The following MUC5B variants were observed in gnomAD, a reference collection of about 807,000 sequenced individuals.
MUC5B encodes mucin 5B, oligomeric mucus/gel-forming.
MUC5B carries 116 observed loss-of-function variants against 376.9 expected under a neutral mutation model. The ratio of observed to expected loss-of-function variants is 0.31; its 90% confidence interval spans 0.26 to 0.36. The LOEUF (loss-of-function observed/expected upper bound fraction) is 0.36. Ranked by LOEUF, MUC5B falls within the 10% of genes least tolerant of loss-of-function variation. The probability of loss-of-function intolerance (pLI) is 1.00; values close to 1 mark genes in which losing one functional copy is unlikely to be tolerated. For synonymous variants in MUC5B, 3,517 were observed against 3,390.9 expected, an observed-to-expected ratio of 1.04 and a Z score of -1.29; for missense variants, 7,165 against 7,769.9, an observed-to-expected ratio of 0.92 and a Z score of 2.93.
rs1309977778 is a variant in MUC5B at position 1,248,709 on chromosome 11, T to C, written c.11829T>C (p.Thr3943=). ...TPSSSTQTSG[T]PPSLITTATT... ...CCTCTAGCACACAGACCAGTGGTAC[T>C]CCCCCATCACTGATCACCACGGCCA... is the stretch of plus-strand genomic sequence containing the variant. The change falls in exon 31 of 49, where the codon ACT becomes ACC. Residue 3943 remains threonine, a synonymous_variant. Coordinates refer to ENST00000529681, the MANE Select transcript of MUC5B (RefSeq NM_002458.3). 5.7e-6 allele frequency: 9 copies of C among 1,568,212 alleles called. No individual in the cohort carries two copies. The highest frequency in any genetic ancestry group is 7.8e-6 in the Non-Finnish European group (9 of 1,158,114).
At chr11:1,232,181 C>A (rs189438320) in intron 15 of MUC5B, 21 bp downstream of exon 15, 2 of 1,567,910 alleles carry the variant, frequency 1.3e-6, no homozygotes, top group East Asian at 4.5e-5. Context: ...CCCCCACCCC[C>A]ACAGTCACCC....
rs1249984014 is a variant in MUC5B, at chr11:1,226,774, G to A, written c.359G>A (p.Arg120Gln). Residue 120 changes from arginine (R) to glutamine (Q), a missense_variant, in exon 4 of 49, where the codon CGA becomes CAA. Physicochemically the swap from Arg to Gln is conservative, Grantham distance 43. Around this residue, in one of 31 missense-constraint regions of MUC5B, gnomAD observed 640 missense variants for 733.0 expected, o/e 0.87. Coordinates refer to ENST00000529681, the MANE Select transcript of MUC5B (RefSeq NM_002458.3). The stretch of plus-strand genomic sequence containing the variant: ...GAGGACTTCAACGTCCAGCTACGCC[G>A]AGGCCTAGTGGGCTCCAGGCCTGTG... ...AYEDFNVQLR[R>Q]GLVGSRPVVT... 5.0e-6 allele frequency: 8 copies of A among 1,612,360 alleles called. No homozygotes were observed. Among genetic ancestry groups the A allele is most frequent in the Admixed American group, 3.3e-5 (2 of 59,986 alleles).
rs746953396 is a variant in MUC5B, at chr11:1,240,164, G to A, written c.3773-14G>A. 6.8e-5 allele frequency: 108 copies of A among 1,586,388 alleles called. No homozygotes were observed. The highest frequency in any genetic ancestry group is 8.3e-5 in the Non-Finnish European group (96 of 1,161,842). ...CTCGGAGGCCCTGGGTGACTCTGCC[G>A]GCTCCATCCCCAGCCTGCACCTGCA... On this transcript the variant is annotated splice_polypyrimidine_tract_variant and intron_variant, in intron 29 of 48. Transcript: ENST00000529681.
rs776243244 is a variant in MUC5B, at chr11:1,242,079, C to T, written c.5199C>T (p.Ala1733=). The T allele has an allele frequency of 6.2e-7, 1 of 1,609,796 alleles. No homozygotes were observed. Among genetic ancestry groups the T allele is most frequent in the Non-Finnish European group, 8.5e-7 (1 of 1,178,404 alleles). Residue 1733 remains alanine (A), a synonymous_variant, in exon 31 of 49, where the codon GCC becomes GCT. Coordinates refer to ENST00000529681, the MANE Select transcript of MUC5B (RefSeq NM_002458.3). ...CCAGAGCTCGCCCGACAGGCACAGC[C>T]AGCACCGCTTCCAAAGAGCCGCTGA... is the stretch of plus-strand genomic sequence containing the variant. The part of the protein sequence containing the change: ...ATSRARPTGT[A]STASKEPLTT...
At chr11:1,228,189 C>T (rs1485652246) in intron 7 of MUC5B, among the ~76,000 whole-genome samples, 1 of 152,198 alleles carries the variant, frequency 6.6e-6, no homozygotes, top group Non-Finnish European at 1.5e-5. Context: ...CTGGGCCCCG[C>T]AGCCGGCAGC....
Position 1,233,015 on chromosome 11 carries a change from A to G in MUC5B, c.2068A>G (p.Lys690Glu), listed in dbSNP as rs376986344. Reference protein sequence around the residue: ...LSDWRDGVCTKYMQNCPKSQR... With the variant: ...LSDWRDGVCTEYMQNCPKSQR... ...CCCCCTGGCCCCACCGACCACAGCC[A>G]AGTACATGCAGAACTGCCCCAAGTC... The change falls in exon 18 of 49, where the codon AAG (lysine) becomes GAG (glutamate). Residue 690 changes from lysine (K) to glutamate (E), a missense_variant and splice_region_variant. Physicochemically the swap from Lys to Glu is moderately conservative, Grantham distance 56. Around this residue, in one of 31 missense-constraint regions of MUC5B, gnomAD observed 530 missense variants for 604.0 expected, o/e 0.88. Coordinates refer to ENST00000529681, the MANE Select transcript of MUC5B (RefSeq NM_002458.3). 7.0e-5 allele frequency: 111 copies of G among 1,586,486 alleles called. 1 individual carries two copies. In the African/African-American group the frequency reaches 1.2e-3, roughly 18 times the overall value.
At chr11:1,230,865 C>T (rs1862012502) in intron 12 of MUC5B, 71 bp from the exon 13 acceptor site, 8 of 1,526,398 alleles carry the variant, frequency 5.2e-6, no homozygotes, top group Non-Finnish European at 6.2e-6. Flanking sequence ...CCTGGGCAGG[C>T]CACCCCCTCA....
Position 1,242,925 on chromosome 11 carries a change from G to T in MUC5B, c.6045G>T (p.Glu2015Asp). The part of the protein sequence containing the change: ...MSTATPSSTP[E>D]TAHTSTVLTA... ...CAGCCACACCCTCCTCCACTCCAGAGACTGCCCACACCTCCACAGTGCTTA... is the reference window on the plus strand; with the variant it reads ...CAGCCACACCCTCCTCCACTCCAGATACTGCCCACACCTCCACAGTGCTTA... Residue 2015 changes from glutamate (E) to aspartate (D), a missense_variant, in exon 31 of 49, where the codon GAG becomes GAT. By Grantham distance (45) the Glu-to-Asp change is conservative. Coordinates refer to ENST00000529681, the MANE Select transcript of MUC5B (RefSeq NM_002458.3). 2 of 1,612,410 alleles carry T rather than the reference G, an allele frequency of 1.2e-6. No homozygotes were observed. Among genetic ancestry groups the T allele is most frequent in the Non-Finnish European group, 1.7e-6 (2 of 1,179,174 alleles).
chr11:1,259,099 A>C, intron 44 of MUC5B, 38 bp downstream of exon 44: 2 of 1,483,256 alleles, frequency 1.3e-6, no homozygotes, highest in Non-Finnish European at 1.8e-6. Flanking sequence ...TGAGCCCCCG[A>C]GGCACCTGCC....
chr11:1,252,660 A>G (rs1862736570), intron 32 of MUC5B, 136 bp downstream of exon 32: 2 of 1,367,320 alleles, frequency 1.5e-6, no homozygotes, highest in South Asian at 1.5e-5. Flanking sequence ...GGAGGCACAC[A>G]GGGCCTAGGG....
intron 13 of MUC5B, 142 bp from the exon 14 acceptor site, chr11:1,231,277 CAGGG>C (rs1862021839): frequency 9.5e-7 from 1 of 1,047,774 alleles, no homozygotes; most frequent in African/African-American, 1.6e-5. Context: ...AGGCATGGGA[CAGGG>C]AGCCTGAGGG....
intron 44 of MUC5B, 33 bp from the exon 45 acceptor site, chr11:1,259,723 G>C (rs1450518988): frequency 3.1e-6 from 5 of 1,606,004 alleles, no homozygotes; most frequent in Non-Finnish European, 4.3e-6. Context: ...TGGAGGAGAG[G>C]GTTAGGGCCT....
intron 23 of MUC5B, 181 bp from the exon 24 acceptor site, chr11:1,236,205 T>G: frequency 6.9e-6 from 4 of 583,810 alleles, no homozygotes; most frequent in Non-Finnish European, 1.2e-5. Flanking sequence ...CAGCACTTCC[T>G]GGCCAGCCTC....
chr11:1,229,627 G>C, intron 9 of MUC5B, 63 bp from the exon 10 acceptor site: 2 of 1,392,766 alleles, frequency 1.4e-6, no homozygotes, highest in Non-Finnish European at 2.0e-6. Context: ...CCCAAGGCCG[G>C]TGTCTTCTGA....
Position 1,248,594 on chromosome 11 carries a change from C to A in MUC5B, c.11714C>A (p.Thr3905Asn). The A allele has an allele frequency of 6.8e-6, 11 of 1,613,046 alleles. No homozygotes were observed. Among genetic ancestry groups the A allele is most frequent in the South Asian group, 1.1e-5 (1 of 91,050 alleles). Residue 3905 changes from threonine to asparagine, a missense_variant, in exon 31 of 49, where the codon ACC becomes AAC. Around this residue, in one of 31 missense-constraint regions of MUC5B, gnomAD observed 242 missense variants for 199.0 expected, o/e 1.22. Transcript: ENST00000529681. Reference protein sequence around the residue: ...TTPTTSGSTVTPSSVPGTTHT... With the variant: ...TTPTTSGSTVNPSSVPGTTHT... ...CCCACAACCAGTGGCTCCACGGTGACCCCCTCCTCCGTCCCGGGGACCACC... is the reference window on the plus strand; with the variant it reads ...CCCACAACCAGTGGCTCCACGGTGAACCCCTCCTCCGTCCCGGGGACCACC...
rs542177066 is a variant in MUC5B at position 1,251,198 on chromosome 11, C to G, written c.14318C>G (p.Ser4773Cys). 3.7e-6 allele frequency: 6 copies of G among 1,611,312 alleles called. 1 individual carries two copies. The highest frequency in any genetic ancestry group is 4.2e-6 in the Non-Finnish European group (5 of 1,178,318). ...CCAGCACAGACCACCACACCCATGT[C>G]CACCATGTCCACAATCCACACCTCC... ...TVPAQTTTPM[S>C]TMSTIHTSST... Residue 4773 changes from serine to cysteine, a missense_variant, in exon 31 of 49, where the codon TCC becomes TGC. Ser to Cys is a moderately radical substitution (Grantham distance 112). Around this residue, in one of 31 missense-constraint regions of MUC5B, gnomAD observed 730 missense variants for 592.7 expected, o/e 1.23. Transcript: ENST00000529681.
intron 23 of MUC5B, 113 bp from the exon 24 acceptor site, chr11:1,236,271 CTT>C: frequency 9.6e-7 from 1 of 1,041,592 alleles, no homozygotes; most frequent in Non-Finnish European, 1.3e-6. Context: ...ACGCCAGCCG[CTT>C]GTGCTAAGAG....
rs947198902 is a variant in MUC5B, at chr11:1,257,848, G to A, written c.16450+138G>A. ...TGGCGTGACCGCGGCAGGACCACTC[G>A]GCAGAGATGGCCTCCAGGTGCTTCA... On this transcript the variant is annotated intron_variant, in intron 41 of 48. Coordinates refer to ENST00000529681, the MANE Select transcript of MUC5B (RefSeq NM_002458.3). The surrounding 1 kb of genome is among the most constrained non-coding windows in gnomAD (Gnocchi z 8.9). The A allele has an allele frequency of 1.9e-5, 21 of 1,083,378 alleles. No individual in the cohort carries two copies. Among genetic ancestry groups the A allele is most frequent in the Middle Eastern group, 3.1e-4 (1 of 3,246 alleles). 67.1% of individuals were successfully genotyped at this position (1,083,378 alleles called of 1,614,324 possible).
intron 25 of MUC5B, among the ~76,000 whole-genome samples, chr11:1,237,546 A>G (rs1590174223): frequency 6.6e-6 from 1 of 152,318 alleles, no homozygotes; most frequent in African/African-American, 2.4e-5. Flanking sequence ...GGGAGGAATC[A>G]GAGATCTGCC....
Sources: allele counts gnomAD v4.1 joint callset (sites outside exome capture counted in the v4.1 genomes callset), GRCh38; gene constraint gnomAD v4.1.1; regional missense constraint gnomAD v4.1.1; non-coding constraint Gnocchi (gnomAD v3.1); transcripts MANE v1.5; gene names NCBI Gene and HGNC (gene_info 2026-07-23, HGNC 2026-07-21).